The following FRMPD4 variants were observed in gnomAD, a reference collection of about 807,000 sequenced individuals.
FRMPD4 encodes FERM and PDZ domain-containing protein 4.
A neutral mutation model predicts 94.1 loss-of-function variants in FRMPD4; 22 were observed. The observed-to-expected ratio is 0.23, with a 90% confidence interval of 0.17 to 0.33. FRMPD4 has a LOEUF of 0.33. Among genes scored for constraint, FRMPD4 ranks in the 10% least tolerant of loss-of-function variants. The pLI, the probability that FRMPD4 is intolerant of heterozygous loss-of-function variation, is 1.00. For missense variants in FRMPD4, 1,111 were observed against 1,339.9 expected (o/e 0.83, Z 2.67); for synonymous variants, 631 against 548.6 (o/e 1.15, Z -2.10).
intron 1 of FRMPD4, among the ~76,000 whole-genome samples, chrX:12,331,504 G>A (rs1444927196): frequency 3.0e-5 from 3 of 98,589 alleles, no homozygotes; most frequent in Non-Finnish European, 6.0e-5. Context: ...TTTGAAACTT[G>A]AATACCTATA....
intron 1 of FRMPD4, among the ~76,000 whole-genome samples, chrX:11,857,503 G>A (rs762418831): frequency 8.9e-5 from 10 of 112,572 alleles, no homozygotes; most frequent in African/African-American, 2.3e-4. Flanking sequence ...ACCTAGCCGC[G>A]TGCAGAAGAT....
At chrX:12,457,453 G>T (rs2057345736) in intron 1 of FRMPD4, among the ~76,000 whole-genome samples, 1 of 111,564 alleles carries the variant, frequency 9.0e-6, no homozygotes. Context: ...TTATCTGCCA[G>T]GCACTGTGTT....
intron 3 of FRMPD4, among the ~76,000 whole-genome samples, chrX:11,935,296 T>A (rs1163931307): frequency 5.3e-4 from 15 of 28,190 alleles, no homozygotes; most frequent in African/African-American, 1.8e-3. Context: ...TTTTTTTTTT[T>A]ATTATACTCT....
chrX:12,528,237 C>G (rs748184294), intron 2 of FRMPD4, among the ~76,000 whole-genome samples: 1 of 110,470 alleles, frequency 9.1e-6, no homozygotes, highest in African/African-American at 3.3e-5. Flanking sequence ...GACAAAACTC[C>G]CAGGAGCTAG....
At chrX:12,361,724 G>A (rs142259027) in intron 1 of FRMPD4, among the ~76,000 whole-genome samples, 2,444 of 111,488 alleles carry the variant, frequency 0.022, 27 homozygotes, top group Non-Finnish European at 0.032. Flanking sequence ...TAACAAACTG[G>A]GAGGCTTAAA....
In FRMPD4 at chrX:12,695,777, T is replaced by G. The variant is rs185236399; in HGVS notation, c.933+1323T>G. 2.8e-5 allele frequency among the ~76,000 whole-genome samples: 3 copies of G among 108,736 alleles called. No homozygotes were observed. The East Asian group carries it at 8.8e-4, about 32-fold the overall frequency. 94.4% of individuals were successfully genotyped at this position (108,736 alleles called of 115,157 possible). On this transcript the variant is annotated intron_variant, in intron 9 of 16. Transcript: ENST00000675598. ...ACTGAATGATGATTTTTTTCTTTTT[T>G]TGAGACGGAGTTTCGCTCTTGTTGC...
At chrX:11,837,369 A>C (rs190431803) in intron 1 of FRMPD4, among the ~76,000 whole-genome samples, 1 of 111,643 alleles carries the variant, frequency 9.0e-6, no homozygotes, top group East Asian at 2.8e-4. Flanking sequence ...ATTTTGAGAA[A>C]ATTTTTTTGG....
chrX:12,099,809 C>G (rs1364397169), intron 3 of FRMPD4, among the ~76,000 whole-genome samples: 2 of 112,471 alleles, frequency 1.8e-5, no homozygotes, highest in African/African-American at 6.5e-5. Flanking sequence ...AGCTCTGAAA[C>G]AGATGGTTCA....
intron 3 of FRMPD4, among the ~76,000 whole-genome samples, chrX:12,007,416 A>G (rs2054559405): frequency 8.9e-6 from 1 of 112,185 alleles, no homozygotes; most frequent in Non-Finnish European, 1.9e-5. Context: ...TTGCAGTAAC[A>G]GATATCCAGA....
In FRMPD4 at chrX:12,706,880, T is replaced by C. The variant is rs1201068530; in HGVS notation, c.1252T>C (p.Leu418=). 8.5e-7 allele frequency: 1 copy of C among 1,172,108 alleles called. No individual in the cohort carries two copies. Among genetic ancestry groups the C allele is most frequent in the Non-Finnish European group, 1.2e-6 (1 of 862,666 alleles). Residue 418 remains leucine, a synonymous_variant, in exon 12 of 17, where the codon TTG becomes CTG. Coordinates refer to ENST00000675598, the MANE Select transcript of FRMPD4 (RefSeq NM_001368397.1). Reference sequence around the variant, plus strand: ...TCTCAAGTTCCTCAGTGACCTACGATTGTATGGGGGCCGTGTGTTCAAGGC... The same window carrying C: ...TCTCAAGTTCCTCAGTGACCTACGACTGTATGGGGGCCGTGTGTTCAAGGC... The part of the protein sequence containing the change: ...HYLKFLSDLR[L]YGGRVFKATL...
intron 3 of FRMPD4, among the ~76,000 whole-genome samples, chrX:11,974,725 TTG>T (rs1363813514): frequency 8.9e-6 from 1 of 111,830 alleles, no homozygotes; most frequent in Non-Finnish European, 1.9e-5. Context: ...ACATTGAGCC[TTG>T]TGTGTGGTTC....
intron 2 of FRMPD4, among the ~76,000 whole-genome samples, chrX:12,566,435 G>A (rs973982340): frequency 3.6e-5 from 4 of 110,927 alleles, no homozygotes; most frequent in South Asian, 7.8e-4. Flanking sequence ...ACTGCCCCCT[G>A]AGTACTCAAT....
rs186973508 is a variant in FRMPD4 at position 12,527,729 on chromosome X, T to G, written c.158+28933T>G. 8.1e-5 allele frequency among the ~76,000 whole-genome samples: 9 copies of G among 111,765 alleles called. No homozygotes were observed. In the East Asian group the frequency reaches 2.5e-3, roughly 31 times the overall value. On this transcript the variant is annotated intron_variant, in intron 2 of 16. Transcript: ENST00000675598. ...ACACCCTTGTAAACGTTAGTTCCTATCTGGAGCTCAATGACGACAATGCCT... is the reference window on the plus strand; with the variant it reads ...ACACCCTTGTAAACGTTAGTTCCTAGCTGGAGCTCAATGACGACAATGCCT...
Position 12,718,536 on chromosome X carries a change from C to T in FRMPD4, c.3710C>T (p.Ser1237Leu), listed in dbSNP as rs921183679. ...SGSACATPVESPLCPSLGKHL... is the reference protein window; with the variant it reads ...SGSACATPVELPLCPSLGKHL... ...AGTGCCTGTGCCACACCCGTGGAGT[C>T]GCCGCTCTGCCCCTCCCTGGGGAAG... The change falls in exon 16 of 17, where the codon TCG (serine) becomes TTG (leucine). Residue 1237 changes from serine to leucine, a missense_variant. Transcript: ENST00000675598. The T allele has an allele frequency of 1.5e-5, 18 of 1,199,890 alleles. No homozygotes were observed. Among genetic ancestry groups the T allele is most frequent in the South Asian group, 3.5e-5 (2 of 56,669 alleles).
At chrX:12,004,264 C>G (rs1157869305) in intron 3 of FRMPD4, among the ~76,000 whole-genome samples, 1 of 112,159 alleles carries the variant, frequency 8.9e-6, no homozygotes, top group Non-Finnish European at 1.9e-5. Context: ...AATACTACTG[C>G]CAAACCAAAG....
intron 2 of FRMPD4, among the ~76,000 whole-genome samples, chrX:12,548,279 A>G (rs2058499375): frequency 8.9e-6 from 1 of 112,119 alleles, no homozygotes; most frequent in African/African-American, 3.2e-5. Context: ...TTTAAATGAA[A>G]TGATTTTCTG....
chrX:11,926,293 A>G (rs1472986250), intron 3 of FRMPD4, among the ~76,000 whole-genome samples: 1 of 104,621 alleles, frequency 9.6e-6, no homozygotes, highest in Non-Finnish European at 2.0e-5. Context: ...GCCCAGGACC[A>G]GATGGATTCA....
At chrX:12,395,461 G>T (rs1308453877) in intron 1 of FRMPD4, among the ~76,000 whole-genome samples, 1 of 112,112 alleles carries the variant, frequency 8.9e-6, no homozygotes, top group Non-Finnish European at 1.9e-5. Flanking sequence ...AATAAAGGAT[G>T]AATTTGATAA....
At chrX:12,341,511 A>C (rs2055613632) in intron 1 of FRMPD4, 1 of 255,432 alleles carries the variant, frequency 3.9e-6, no homozygotes, top group African/African-American at 2.8e-5. Context: ...ATTAACATAC[A>C]CCATTTACTG....
Sources: gnomAD v4.1 joint callset for allele counts (sites outside exome capture counted in the v4.1 genomes callset) on GRCh38, gnomAD v4.1.1 for gene constraint, MANE v1.5 for transcripts, NCBI Gene and HGNC (gene_info 2026-07-23, HGNC 2026-07-21) for gene names.